The following MYO6 variants were observed in gnomAD, a reference collection of about 807,000 sequenced individuals.
The protein encoded by MYO6 is myosin VI, also known as unconventional myosin-VI.
In MYO6, 74 loss-of-function variants were observed where a neutral mutation model predicts 178.7. The observed-to-expected ratio is 0.41, with a 90% confidence interval of 0.34 to 0.50. The LOEUF (loss-of-function observed/expected upper bound fraction) is 0.50. MYO6 is among the 20% of genes least tolerant of loss of function. The pLI, the probability that MYO6 is intolerant of heterozygous loss-of-function variation, is 0.09. For synonymous variants in MYO6, 477 were observed against 504.6 expected (o/e 0.95, Z 0.73); for missense variants, 1,330 against 1,547.4 (o/e 0.86, Z 2.36).
At position 75,891,325 on chromosome 6, in the gene MYO6, G is replaced by T; in HGVS notation, c.2946+19G>T. ...CATTCAAGTATGTACTTACTGGGTT[G>T]AATTTCTATTAAAATGGAACCTACA... On this transcript the variant is annotated intron_variant, in intron 27 of 34. Transcript: ENST00000369977. 1.3e-6 allele frequency: 2 copies of T among 1,571,418 alleles called. No individual in the cohort carries two copies. The highest frequency in any genetic ancestry group is 2.2e-5 in the South Asian group (2 of 89,070).
chr6:75,855,822 T>C (rs966470589), intron 12 of MYO6, among the ~76,000 whole-genome samples: 14 of 152,260 alleles, frequency 9.2e-5, no homozygotes, highest in African/African-American at 2.9e-4. Flanking sequence ...ATATTTTTGG[T>C]TTTGGTACTG....
In MYO6 at chr6:75,828,563, G is replaced by A; in HGVS notation, c.211G>A (p.Ala71Thr). Residue 71 changes from alanine (A) to threonine (T), a missense_variant, in exon 4 of 35, where the codon GCC becomes ACC. Transcript: ENST00000369977. Reference sequence around the variant, plus strand: ...AGGTTCACTAATGTATTTAAATGAAGCCACACTGCTCCATAATATCAAAGT... The same window carrying A: ...AGGTTCACTAATGTATTTAAATGAAACCACACTGCTCCATAATATCAAAGT... ...DNCSLMYLNE[A>T]TLLHNIKVRY... 1 of 1,580,470 alleles carries A rather than the reference G, an allele frequency of 6.3e-7. No homozygotes were observed. Among genetic ancestry groups the A allele is most frequent in the Non-Finnish European group, 8.7e-7 (1 of 1,149,890 alleles).
At chr6:75,842,009 G>A (rs1384390076) in intron 9 of MYO6, among the ~76,000 whole-genome samples, 1 of 152,184 alleles carries the variant, frequency 6.6e-6, no homozygotes, top group African/African-American at 2.4e-5. Context: ...TGACTTATCT[G>A]TAAAAATGTT....
At chr6:75,805,115 C>T (rs533323815) in intron 1 of MYO6, among the ~76,000 whole-genome samples, 60 of 146,860 alleles carry the variant, frequency 4.1e-4, no homozygotes, top group African/African-American at 1.3e-3. Context: ...ACCTCTGCCT[C>T]GTTGGTTCAA....
At chr6:75,765,002 C>T (rs965768599) in intron 1 of MYO6, among the ~76,000 whole-genome samples, 1 of 114,258 alleles carries the variant, frequency 8.8e-6, no homozygotes, top group Admixed American at 8.7e-5. Context: ...CCGTCTCAAA[C>T]AAAAAAAAAA....
Position 75,817,543 on chromosome 6 carries a change from C to A in MYO6, c.-5C>A, listed in dbSNP as rs1583177265. On this transcript the variant is annotated 5_prime_UTR_variant, in exon 2 of 35. Coordinates refer to ENST00000369977, the MANE Select transcript of MYO6 (RefSeq NM_004999.4). ...AAACAGGAGATCGTGGATCCTCCTT[C>A]AAAAATGGAGGATGGAAAGCCCGTT... 2.5e-6 allele frequency: 4 copies of A among 1,611,984 alleles called. No individual in the cohort carries two copies. Among genetic ancestry groups the A allele is most frequent in the Non-Finnish European group, 2.5e-6 (3 of 1,178,118 alleles).
intron 11 of MYO6, among the ~76,000 whole-genome samples, chr6:75,854,218 A>T (rs1348287322): frequency 7.2e-6 from 1 of 139,138 alleles, no homozygotes; most frequent in Non-Finnish European, 1.5e-5. Context: ...TGCAGGCTGG[A>T]TGTGCCAATG....
chr6:75,792,053 T>C (rs931116534), intron 1 of MYO6, among the ~76,000 whole-genome samples: 1 of 152,232 alleles, frequency 6.6e-6, no homozygotes, highest in African/African-American at 2.4e-5. Flanking sequence ...TGCTCTGTTA[T>C]GTGGCTATGG....
At chr6:75,884,593 A>G (rs1778285020) in intron 23 of MYO6, among the ~76,000 whole-genome samples, 1 of 152,212 alleles carries the variant, frequency 6.6e-6, no homozygotes, top group South Asian at 2.1e-4. Flanking sequence ...AGTCGGCTGT[A>G]CGGGACACTG....
intron 14 of MYO6, 117 bp from the exon 15 acceptor site, chr6:75,860,906 A>G: frequency 1.2e-6 from 1 of 805,264 alleles, no homozygotes. Flanking sequence ...ATTTAAGGCT[A>G]TACCAGTTTG....
intron 2 of MYO6, among the ~76,000 whole-genome samples, chr6:75,818,817 T>G (rs777902502): frequency 6.6e-6 from 1 of 152,164 alleles, no homozygotes; most frequent in African/African-American, 2.4e-5. Context: ...TGTTTCTGGT[T>G]TTTCCTCTTA....
In MYO6 at chr6:75,776,752, A is replaced by G. The variant is rs377270043; in HGVS notation, c.-48+27329A>G. ...GGTCTCAAATTCCTGGCCTCAAGCA[A>G]TGCTCCCACTTTGGCCTCCCAAAGT... On this transcript the variant is annotated intron_variant, in intron 1 of 34. Coordinates refer to ENST00000369977, the MANE Select transcript of MYO6 (RefSeq NM_004999.4). Among the ~76,000 whole-genome samples, 9 of 151,718 alleles carry G rather than the reference A, an allele frequency of 5.9e-5. No homozygotes were observed. In the East Asian group the frequency reaches 7.8e-4, roughly 13 times the overall value.
intron 13 of MYO6, among the ~76,000 whole-genome samples, chr6:75,857,503 T>G (rs895902408): frequency 3.3e-5 from 5 of 152,144 alleles, no homozygotes; most frequent in African/African-American, 7.2e-5. Flanking sequence ...ACTGCTAGAG[T>G]TAAGGATATC....
At chr6:75,876,601 G>GC (rs1777586598) in intron 20 of MYO6, among the ~76,000 whole-genome samples, 2 of 152,278 alleles carry the variant, frequency 1.3e-5, no homozygotes, top group South Asian at 4.1e-4. Flanking sequence ...TTTAGATTTA[G>GC]CTATATATGC....
At chr6:75,814,885 T>C (rs944273266) in intron 1 of MYO6, among the ~76,000 whole-genome samples, 2 of 151,558 alleles carry the variant, frequency 1.3e-5, no homozygotes, top group African/African-American at 2.4e-5. Flanking sequence ...AAAAAAGATA[T>C]TTCAATTCTT....
intron 30 of MYO6, among the ~76,000 whole-genome samples, chr6:75,905,303 G>T (rs1018594581): frequency 1.3e-5 from 2 of 152,308 alleles, no homozygotes; most frequent in Non-Finnish European, 2.9e-5. Flanking sequence ...GGGCAATGGC[G>T]GGCGCCCCTC....
chr6:75,832,332 T>C (rs923194237), intron 5 of MYO6, among the ~76,000 whole-genome samples: 5 of 152,236 alleles, frequency 3.3e-5, no homozygotes, highest in Non-Finnish European at 7.3e-5. Flanking sequence ...AATTTAAAGC[T>C]GTTAATTTTG....
chr6:75,908,264 C>T (rs951157786), intron 31 of MYO6, among the ~76,000 whole-genome samples: 2 of 152,042 alleles, frequency 1.3e-5, no homozygotes, highest in Non-Finnish European at 2.9e-5. Flanking sequence ...GTTCAGAGTT[C>T]TTCTGTGGAG....
intron 1 of MYO6, among the ~76,000 whole-genome samples, chr6:75,779,009 A>T (rs1766676043): frequency 7.1e-6 from 1 of 140,218 alleles, no homozygotes; most frequent in East Asian, 2.2e-4. Context: ...GTGAACCGTG[A>T]TCCCGCCAGT....
Sources: gnomAD v4.1 joint callset for allele counts (sites outside exome capture counted in the v4.1 genomes callset) on GRCh38, gnomAD v4.1.1 for gene constraint, MANE v1.5 for transcripts, NCBI Gene and HGNC (gene_info 2026-07-23, HGNC 2026-07-21) for gene names.